Variants in FARS2 observed in about 807,000 individuals in gnomAD.
The protein encoded by FARS2 is phenylalanine--tRNA ligase, mitochondrial.
In FARS2, 40 loss-of-function variants were observed where a neutral mutation model predicts 46.4. That is an observed-to-expected ratio of 0.86 (90% CI 0.67 to 1.12). The LOEUF (loss-of-function observed/expected upper bound fraction) is 1.12. FARS2 is among the 50% of genes most tolerant of loss of function. The pLI is 0.00. For synonymous variants in FARS2, 234 were observed against 214.9 expected, an observed-to-expected ratio of 1.09 and a Z score of -0.78; for missense variants, 513 against 567.9, an observed-to-expected ratio of 0.90 and a Z score of 0.98.
chr6:5,754,342 G>A (rs1247165860), intron 6 of FARS2, among the ~76,000 whole-genome samples: 1 of 152,184 alleles, frequency 6.6e-6, no homozygotes, highest in Admixed American at 6.5e-5. Context: ...GAGACTGATT[G>A]TAACGGCCAG....
intron 6 of FARS2, among the ~76,000 whole-genome samples, chr6:5,735,011 C>A (rs143335217): frequency 2.7e-4 from 41 of 152,126 alleles, no homozygotes; most frequent in Non-Finnish European, 4.4e-4. Flanking sequence ...AGATTCACTC[C>A]GCGTTTATTG....
At chr6:5,499,801 C>T (rs977039359) in intron 4 of FARS2, among the ~76,000 whole-genome samples, 2 of 152,110 alleles carry the variant, frequency 1.3e-5, no homozygotes, top group East Asian at 1.9e-4. Context: ...GATCATAAGT[C>T]GTTCTTTTAC....
intron 5 of FARS2, among the ~76,000 whole-genome samples, chr6:5,546,428 T>G (rs555984808): frequency 6.6e-6 from 1 of 151,716 alleles, no homozygotes; most frequent in Non-Finnish European, 1.5e-5. Context: ...TTTTGTGTAT[T>G]TTTAGTAGAG....
chr6:5,767,791 C>T (rs1207841832), intron 6 of FARS2, among the ~76,000 whole-genome samples: 1 of 152,190 alleles, frequency 6.6e-6, no homozygotes, highest in Non-Finnish European at 1.5e-5. Flanking sequence ...TGCTGCTGCG[C>T]TGTTACTGAG....
intron 6 of FARS2, among the ~76,000 whole-genome samples, chr6:5,672,025 C>T (rs764983991): frequency 6.6e-6 from 1 of 152,182 alleles, no homozygotes; most frequent in Non-Finnish European, 1.5e-5. Flanking sequence ...AATATGTGCA[C>T]TGTGCTAATT....
rs1055782333 is a variant in FARS2, at chr6:5,630,021, G to C, written c.1217+16701G>C. On this transcript the variant is annotated intron_variant, in intron 6 of 6. Transcript: ENST00000274680. This position sits in a 1 kb window ranked among gnomAD's most constrained non-coding sequence, Gnocchi z 4.2. ...TTTGGACTTCCTGAGTTTGAGGCAG[G>C]ACACAGGGGAATGTTACCCTAAGAG... Among the ~76,000 whole-genome samples the C allele has an allele frequency of 7.2e-5, 11 of 152,116 alleles. No individual in the cohort carries two copies. Among genetic ancestry groups the C allele is most frequent in the African/African-American group, 2.7e-4 (11 of 41,418 alleles).
At chr6:5,537,113 C>A (rs1021591811) in intron 4 of FARS2, among the ~76,000 whole-genome samples, 2 of 152,136 alleles carry the variant, frequency 1.3e-5, no homozygotes, top group African/African-American at 2.4e-5. Flanking sequence ...CTTGATACAA[C>A]CCAAGTACAC....
At chr6:5,499,041 G>T (rs1767639323) in intron 4 of FARS2, among the ~76,000 whole-genome samples, 1 of 152,162 alleles carries the variant, frequency 6.6e-6, no homozygotes, top group Non-Finnish European at 1.5e-5. Flanking sequence ...GGGATTACAG[G>T]CATGCACCAC....
chr6:5,294,460 G>T (rs142612452), intron 1 of FARS2, among the ~76,000 whole-genome samples: 81 of 152,182 alleles, frequency 5.3e-4, no homozygotes, highest in Non-Finnish European at 2.2e-4. Flanking sequence ...ACACCAAGTG[G>T]CAGGCACCGG....
chr6:5,318,400 A>AC (rs1769711868), intron 1 of FARS2, among the ~76,000 whole-genome samples: 4 of 147,824 alleles, frequency 2.7e-5, no homozygotes, highest in Admixed American at 6.7e-5. Context: ...AAAAAAAAAA[A>AC]AAAAAAACCC....
intron 2 of FARS2, among the ~76,000 whole-genome samples, chr6:5,374,496 A>G (rs1195794268): frequency 6.6e-6 from 1 of 152,136 alleles, no homozygotes; most frequent in Non-Finnish European, 1.5e-5. Flanking sequence ...CCTTTCCTCC[A>G]TCAGCCTCAG....
chr6:5,462,953 T>G (rs1338116131), intron 4 of FARS2, among the ~76,000 whole-genome samples: 1 of 152,200 alleles, frequency 6.6e-6, no homozygotes, highest in South Asian at 2.1e-4. Flanking sequence ...CTTGGCAAAC[T>G]TTTTTCTGAA....
intron 6 of FARS2, among the ~76,000 whole-genome samples, chr6:5,660,043 T>C (rs1777779728): frequency 6.6e-6 from 1 of 152,188 alleles, no homozygotes. Flanking sequence ...TTAGAGGAGG[T>C]GGGCCTAGCC....
chr6:5,448,344 G>C (rs1053455775), intron 4 of FARS2, among the ~76,000 whole-genome samples: 22 of 152,168 alleles, frequency 1.4e-4, no homozygotes, highest in African/African-American at 5.3e-4. Flanking sequence ...GTGCCTGTGA[G>C]TGTGTACACT....
chr6:5,756,396 T>C (rs1295798613), intron 6 of FARS2, among the ~76,000 whole-genome samples: 1 of 152,194 alleles, frequency 6.6e-6, no homozygotes, highest in Non-Finnish European at 1.5e-5. Flanking sequence ...TTTAATTGAC[T>C]CACAGTTCTG....
chr6:5,645,610 A>C (rs1777038425), intron 6 of FARS2, among the ~76,000 whole-genome samples: 1 of 152,156 alleles, frequency 6.6e-6, no homozygotes, highest in Non-Finnish European at 1.5e-5. Context: ...GTGTGCATGA[A>C]CTGCTGCAAA....
intron 3 of FARS2, among the ~76,000 whole-genome samples, chr6:5,420,139 G>C (rs935827987): frequency 6.6e-6 from 1 of 152,148 alleles, no homozygotes; most frequent in African/African-American, 2.4e-5. Flanking sequence ...ATCAACTCTT[G>C]TGAGACTTAT....
At chr6:5,320,176 G>A (rs756797991) in intron 1 of FARS2, among the ~76,000 whole-genome samples, 6 of 152,196 alleles carry the variant, frequency 3.9e-5, no homozygotes, top group Non-Finnish European at 5.9e-5. Flanking sequence ...TCACTTGAGC[G>A]TCTGGAGAAA....
intron 1 of FARS2, among the ~76,000 whole-genome samples, chr6:5,331,070 A>G (rs1308337205): frequency 4.0e-5 from 6 of 150,758 alleles, no homozygotes; most frequent in African/African-American, 1.5e-4. Flanking sequence ...GCACCTCTGC[A>G]TTCCAGCCTG....
Sources: allele counts gnomAD v4.1 joint callset (sites outside exome capture counted in the v4.1 genomes callset), GRCh38; gene constraint gnomAD v4.1.1; non-coding constraint Gnocchi (gnomAD v3.1); transcripts MANE v1.5; gene names NCBI Gene and HGNC (gene_info 2026-07-23, HGNC 2026-07-21).